SPATA13: variants seen among roughly 807,000 people sequenced by gnomAD.
SPATA13 encodes spermatogenesis-associated protein 13.
Under a neutral mutation model 104.0 loss-of-function variants are expected in SPATA13, and 50 were observed. That is an observed-to-expected ratio of 0.48 (90% confidence interval 0.38 to 0.61). SPATA13 has a LOEUF of 0.61. Ranked by LOEUF, SPATA13 falls within the 20% of genes least tolerant of loss-of-function variation. SPATA13 has a pLI of 0.00. For missense variants in SPATA13, 1,524 were observed against 1,690.6 expected, an observed-to-expected ratio of 0.90 and a Z score of 1.73; for synonymous variants, 606 against 667.5, an observed-to-expected ratio of 0.91 and a Z score of 1.42.
chr13:24,105,366 T>C (rs1880406405), intron 3 of SPATA13, among the ~76,000 whole-genome samples: 1 of 151,962 alleles, frequency 6.6e-6, no homozygotes, highest in South Asian at 2.1e-4. Flanking sequence ...CTCAAACTCC[T>C]GGGCTCAAGT....
Position 24,088,427 on chromosome 13 carries a change from G to C in SPATA13, c.-112+70726G>C, listed in dbSNP as rs1879803493. ...AGCCGCAGTTTCCTTTCTTCCTCTTGAGATGAAGACACATGAGAACCCAAG... is the reference window on the plus strand; with the variant it reads ...AGCCGCAGTTTCCTTTCTTCCTCTTCAGATGAAGACACATGAGAACCCAAG... On this transcript the variant is annotated intron_variant, in intron 3 of 14. Coordinates refer to the SPATA13 transcript ENST00000424834. The surrounding 1 kb of genome is among the most constrained non-coding windows in gnomAD (Gnocchi z 4.3). Among the ~76,000 whole-genome samples the C allele has an allele frequency of 6.6e-6, 1 of 152,050 alleles. No homozygotes were observed. The highest frequency in any genetic ancestry group is 2.1e-4 in the South Asian group (1 of 4,816).
chr13:23,991,949 T>G (rs1875434754), intron 2 of SPATA13, among the ~76,000 whole-genome samples: 1 of 152,216 alleles, frequency 6.6e-6, no homozygotes, highest in Admixed American at 6.5e-5. Context: ...GAGGACACGG[T>G]GATGAAGATC....
intron 3 of SPATA13, among the ~76,000 whole-genome samples, chr13:24,072,743 T>G (rs955158598): frequency 1.3e-5 from 2 of 151,944 alleles, no homozygotes; most frequent in Admixed American, 6.6e-5. Flanking sequence ...ACGATGCCCT[T>G]GGAGCCTCTC....
At chr13:24,012,475 G>A (rs184196137) in intron 2 of SPATA13, among the ~76,000 whole-genome samples, 2 of 152,354 alleles carry the variant, frequency 1.3e-5, no homozygotes, top group East Asian at 3.9e-4. Context: ...CAAAGGCTGT[G>A]CCTACTGTCT....
At chr13:24,095,287 T>G (rs1489179676) in intron 3 of SPATA13, among the ~76,000 whole-genome samples, 1 of 152,212 alleles carries the variant, frequency 6.6e-6, no homozygotes, top group African/African-American at 2.4e-5. Flanking sequence ...GTCAAGGACA[T>G]TACACTAAGT....
chr13:24,251,833 G>T lies in SPATA13; in HGVS notation c.2135G>T (p.Gly712Val). ...QSTPIGLDRV[G>V]RRRQMRASNV... is the part of the protein sequence containing the mutation. ...ACCCCCATTGGGTTGGACCGTGTGG[G>T]ACGCCGGCGGCAGATGAGAGCATCC... Residue 712 changes from glycine (G) to valine (V), a missense_variant, in exon 4 of 13, where the codon GGA becomes GTA. By Grantham distance (109) the Gly-to-Val change is moderately radical (BLOSUM62 -3). This residue lies in a region of SPATA13 where 1,089 missense variants were observed against 1,135.9 expected (regional missense o/e 0.96). Transcript: ENST00000382108. 6.2e-7 allele frequency: 1 copy of T among 1,614,008 alleles called. No homozygotes were observed.
At chr13:23,986,792 C>G (rs1227120383) in intron 2 of SPATA13, among the ~76,000 whole-genome samples, 1 of 152,150 alleles carries the variant, frequency 6.6e-6, no homozygotes, top group Non-Finnish European at 1.5e-5. Flanking sequence ...CATTTGGCCA[C>G]AGGAATTTCA....
rs192395434 is a variant in SPATA13, at chr13:24,288,239, G to A, written c.2668-760G>A. 1.1e-3 allele frequency among the ~76,000 whole-genome samples: 173 copies of A among 152,216 alleles called. 1 individual carries two copies. The highest frequency in any genetic ancestry group is 4.0e-3 in the African/African-American group (167 of 41,508). ...AAAGGCACAGAGAAGTTAAGTGGTG[G>A]GATTGGATTTAAACCCAGGCAGTCT... On this transcript the variant is annotated intron_variant, in intron 7 of 12. Coordinates refer to ENST00000382108, the MANE Select transcript of SPATA13 (RefSeq NM_001166271.3).
In SPATA13 at chr13:24,075,172, G is replaced by A. The variant is rs191955663; in HGVS notation, c.-112+57471G>A. ...GACCACCCAGTTACTCTTCATCACA[G>A]CACTATTTTAAATCTGTATGTAGCT... is the stretch of plus-strand genomic sequence containing the variant. On this transcript the variant is annotated intron_variant, in intron 3 of 14. Coordinates refer to the SPATA13 transcript ENST00000424834. 8.1e-4 allele frequency among the ~76,000 whole-genome samples: 123 copies of A among 152,270 alleles called. No individual in the cohort carries two copies. The Middle Eastern group carries it at 0.017, about 21-fold the overall frequency.
chr13:24,229,852 G>A (rs1443962827), intron 2 of SPATA13, among the ~76,000 whole-genome samples: 1 of 152,238 alleles, frequency 6.6e-6, no homozygotes, highest in Non-Finnish European at 1.5e-5. Flanking sequence ...TGCCAATGAA[G>A]TTGTACCTGT....
chr13:24,133,281 T>G (rs1881446167), intron 3 of SPATA13, among the ~76,000 whole-genome samples: 1 of 152,124 alleles, frequency 6.6e-6, no homozygotes, highest in Admixed American at 6.5e-5. Context: ...ACTAAGTACT[T>G]AGCCCAGTGA....
chr13:24,304,188 T>C lies in SPATA13; in HGVS notation c.*1415T>C, dbSNP rs1877416218. 1 of 152,236 alleles carries C rather than the reference T, an allele frequency of 6.6e-6. No homozygotes were observed. Among genetic ancestry groups the C allele is most frequent in the South Asian group, 2.1e-4 (1 of 4,834 alleles). 9.4% of individuals were successfully genotyped at this position (152,236 alleles called of 1,614,324 possible). On this transcript the variant is annotated 3_prime_UTR_variant, in exon 13 of 13. Coordinates refer to ENST00000382108, the MANE Select transcript of SPATA13 (RefSeq NM_001166271.3). ...ATCAGGCTTCTGAGGACTTGTTCTTTATAAAAAAAGACCTTCACAAAATAT... is the reference window on the plus strand; with the variant it reads ...ATCAGGCTTCTGAGGACTTGTTCTTCATAAAAAAAGACCTTCACAAAATAT...
In SPATA13 at chr13:24,064,051, G is replaced by A. The variant is rs192907033; in HGVS notation, c.-112+46350G>A. Among the ~76,000 whole-genome samples, 371 of 152,262 alleles carry A rather than the reference G, an allele frequency of 2.4e-3. 1 individual carries two copies. Among genetic ancestry groups the A allele is most frequent in the African/African-American group, 8.5e-3 (355 of 41,544 alleles). On this transcript the variant is annotated intron_variant, in intron 3 of 14. Transcript: ENST00000424834. ...CATCTCTGCCATCTTCTTCAAGTCA[G>A]CCATTTCTCTCTTTGACCATGCCTG...
At chr13:23,982,085 T>C (rs1369654968) in intron 1 of SPATA13, among the ~76,000 whole-genome samples, 2 of 152,260 alleles carry the variant, frequency 1.3e-5, no homozygotes, top group African/African-American at 4.8e-5. Flanking sequence ...TTTAAAGTAC[T>C]GTGTTTAATA....
rs906958462 is a variant in SPATA13, at chr13:24,185,170, C to T, written c.-112+24238C>T. On this transcript the variant is annotated intron_variant, in intron 1 of 12. Transcript: ENST00000382108. ...CATAAGCCCTGAAGTTCCCCTGTGA[C>T]GTATTTTTGTGCTGCTGAGTAGATG... 5.6e-4 allele frequency among the ~76,000 whole-genome samples: 85 copies of T among 152,144 alleles called. 1 individual carries two copies. The highest frequency in any genetic ancestry group is 2.8e-4 in the Non-Finnish European group (19 of 68,024).
chr13:24,202,922 A>G (rs112088108), intron 1 of SPATA13, among the ~76,000 whole-genome samples: 16 of 152,220 alleles, frequency 1.1e-4, no homozygotes, highest in African/African-American at 3.6e-4. Flanking sequence ...GGAAAACCCT[A>G]ACTTAGGAAA....
rs537136598 is a variant in SPATA13 at position 24,041,614 on chromosome 13, G to A, written c.-112+23913G>A. Among the ~76,000 whole-genome samples, 37 of 152,316 alleles carry A rather than the reference G, an allele frequency of 2.4e-4. No homozygotes were observed. In the South Asian group the frequency reaches 6.6e-3, roughly 27 times the overall value. On this transcript the variant is annotated intron_variant, in intron 3 of 14. Coordinates refer to the SPATA13 transcript ENST00000424834. ...GGAACCATGGTGATGTTAAGGAAAT[G>A]TTTTCTTTTCATTCTTTTTCTTCTT...
chr13:24,098,215 G>C, intron 3 of SPATA13, among the ~76,000 whole-genome samples: 1 of 152,072 alleles, frequency 6.6e-6, no homozygotes, highest in East Asian at 1.9e-4. Flanking sequence ...CAGAAGTGAA[G>C]TAGCAAAACA....
At chr13:24,221,073 C>T (rs938306568) in intron 1 of SPATA13, among the ~76,000 whole-genome samples, 1 of 152,144 alleles carries the variant, frequency 6.6e-6, no homozygotes, top group Non-Finnish European at 1.5e-5. Context: ...CAGTCAGGGT[C>T]GTGAGGCCCA....
Sources: allele counts gnomAD v4.1 joint callset (sites outside exome capture counted in the v4.1 genomes callset), GRCh38; gene constraint gnomAD v4.1.1; regional missense constraint gnomAD v4.1.1; non-coding constraint Gnocchi (gnomAD v3.1); transcripts MANE v1.5; gene names NCBI Gene and HGNC (gene_info 2026-07-23, HGNC 2026-07-21).